RSPO3: variants seen among roughly 807,000 people sequenced by gnomAD.
RSPO3 encodes the protein R-spondin-3.
In RSPO3, 17 loss-of-function variants were observed where a neutral mutation model predicts 36.5. That is an observed-to-expected ratio of 0.47 (90% CI 0.32 to 0.70). RSPO3 has a LOEUF of 0.70. Among genes scored for constraint, RSPO3 ranks in the 30% least tolerant of loss-of-function variants. The pLI, the probability that RSPO3 is intolerant of heterozygous loss-of-function variation, is 0.04. For missense variants in RSPO3, 294 were observed against 322.5 expected (o/e 0.91, Z 0.68); for synonymous variants, 108 against 107.0 (o/e 1.01, Z -0.06).
rs140423963 is a variant in RSPO3, at chr6:127,144,640, C to CTTTTTTTTTTTTTTT, written c.98-4006_98-4005insTTTTTTTTTTTTTTT. On this transcript the variant is annotated intron_variant, in intron 1 of 4. Transcript: ENST00000356698. Reference sequence around the variant, plus strand: ...TTCTGTAATTTTTCAGTAGCTTCCCCTTGTTTTTTTTTTTTTCAGACAGAG... The same window carrying CTTTTTTTTTTTTTTT: ...TTCTGTAATTTTTCAGTAGCTTCCCCTTTTTTTTTTTTTTTTTGTTTTTTTTTTTTTCAGACAGAG... Among the ~76,000 whole-genome samples the CTTTTTTTTTTTTTTT allele has an allele frequency of 5.3e-3, 324 of 61,036 alleles. 6 individuals carry two copies. The highest frequency in any genetic ancestry group is 9.1e-3 in the East Asian group (19 of 2,078). 40.0% of individuals were successfully genotyped at this position (61,036 alleles called of 152,430 possible).
rs1775536194 is a variant in RSPO3, at chr6:127,197,406, C to T, written c.*1399C>T. 4 of 1,549,932 alleles carry T rather than the reference C, an allele frequency of 2.6e-6. No homozygotes were observed. The stretch of plus-strand genomic sequence containing the variant: ...TTTAGTCTTTTCTTCTCCATATTTT[C>T]TATCTGTGGATCTCTTTAGGGGATT... On this transcript the variant is annotated 3_prime_UTR_variant, in exon 5 of 5. Coordinates refer to ENST00000356698, the MANE Select transcript of RSPO3 (RefSeq NM_032784.5).
intron 4 of RSPO3, among the ~76,000 whole-genome samples, chr6:127,175,900 A>C (rs151073112): frequency 6.6e-6 from 1 of 151,916 alleles, no homozygotes; most frequent in East Asian, 1.9e-4. Context: ...GGGTATTGTT[A>C]GCCAAATTCT....
intron 4 of RSPO3, among the ~76,000 whole-genome samples, chr6:127,158,720 A>G (rs1774645166): frequency 6.6e-6 from 1 of 152,156 alleles, no homozygotes; most frequent in South Asian, 2.1e-4. Flanking sequence ...GGTTAGAATA[A>G]GTTAACCCAA....
intron 1 of RSPO3, among the ~76,000 whole-genome samples, chr6:127,122,147 T>C (rs559051662): frequency 9.2e-5 from 14 of 152,352 alleles, no homozygotes; most frequent in African/African-American, 3.4e-4. Context: ...CCTGTTTCCC[T>C]AAAACAACTG....
At chr6:127,140,144 T>C (rs1028529595) in intron 1 of RSPO3, among the ~76,000 whole-genome samples, 5 of 152,196 alleles carry the variant, frequency 3.3e-5, no homozygotes, top group African/African-American at 1.2e-4. Context: ...AAAAGAAATA[T>C]TAAATTAGAA....
intron 4 of RSPO3, among the ~76,000 whole-genome samples, chr6:127,183,477 G>A (rs976644416): frequency 2.0e-5 from 3 of 151,904 alleles, no homozygotes; most frequent in African/African-American, 7.3e-5. Context: ...TGGGACACTG[G>A]GTAATCACAG....
Position 127,197,645 on chromosome 6 carries a change from C to A in RSPO3, c.*1638C>A. 1 of 1,298,360 alleles carries A rather than the reference C, an allele frequency of 7.7e-7. No homozygotes were observed. The highest frequency in any genetic ancestry group is 1.0e-6 in the Non-Finnish European group (1 of 967,414). The allele number at this position is 1,298,360 out of a possible 1,614,324, so 80.4% of individuals were successfully genotyped here. A position where few individuals can be genotyped will look rare whatever the true frequency, so the allele number is the denominator to read the frequency against. On this transcript the variant is annotated 3_prime_UTR_variant, in exon 5 of 5. Coordinates refer to ENST00000356698, the MANE Select transcript of RSPO3 (RefSeq NM_032784.5). Reference sequence around the variant, plus strand: ...GAAGAATTTGCAATGACTCTGGCTTCTGGCTGCTTATCTCTGGACACCCGT... The same window carrying A: ...GAAGAATTTGCAATGACTCTGGCTTATGGCTGCTTATCTCTGGACACCCGT...
chr6:127,123,421 C>A (rs1271240832), intron 1 of RSPO3, among the ~76,000 whole-genome samples: 1 of 152,068 alleles, frequency 6.6e-6, no homozygotes, highest in Non-Finnish European at 1.5e-5. Flanking sequence ...AAAGTGTATT[C>A]TTTGATACGT....
intron 4 of RSPO3, among the ~76,000 whole-genome samples, chr6:127,177,856 G>A (rs990745769): frequency 1.5e-4 from 23 of 151,508 alleles, no homozygotes; most frequent in African/African-American, 5.6e-4. Flanking sequence ...GAGCCAAATA[G>A]TGGTCTTAAA....
chr6:127,182,422 A>G (rs529981660), intron 4 of RSPO3, among the ~76,000 whole-genome samples: 4 of 151,712 alleles, frequency 2.6e-5, no homozygotes, highest in Non-Finnish European at 5.9e-5. Context: ...ACTTTTTTCT[A>G]TCTATTTCAT....
At chr6:127,124,356 T>A (rs1388937697) in intron 1 of RSPO3, among the ~76,000 whole-genome samples, 1 of 152,088 alleles carries the variant, frequency 6.6e-6, no homozygotes, top group South Asian at 2.1e-4. Context: ...GAGTGGATAT[T>A]GTGTTTCATG....
At chr6:127,153,529 G>A (rs931321907) in intron 3 of RSPO3, among the ~76,000 whole-genome samples, 47 of 152,016 alleles carry the variant, frequency 3.1e-4, no homozygotes, top group African/African-American at 9.9e-4. Flanking sequence ...AACTATCTAA[G>A]GTTGTCCGTA....
intron 4 of RSPO3, among the ~76,000 whole-genome samples, chr6:127,174,973 T>G (rs1444415432): frequency 6.6e-6 from 1 of 151,728 alleles, no homozygotes; most frequent in Non-Finnish European, 1.5e-5. Flanking sequence ...GAGGAACTCT[T>G]AGACTTCTTT....
intron 4 of RSPO3, among the ~76,000 whole-genome samples, chr6:127,191,948 T>C (rs759904677): frequency 2.6e-5 from 4 of 152,218 alleles, no homozygotes; most frequent in East Asian, 1.9e-4. Context: ...ACCAAGGAAG[T>C]TGACTTTCAA....
chr6:127,143,611 T>C (rs1774323043), intron 1 of RSPO3, among the ~76,000 whole-genome samples: 1 of 152,234 alleles, frequency 6.6e-6, no homozygotes, highest in African/African-American at 2.4e-5. Flanking sequence ...AAACCTGTCT[T>C]ATTAGTCTAA....
Position 127,185,092 on chromosome 6 carries a change from T to C in RSPO3, c.635-10731T>C, listed in dbSNP as rs139506180. 3.3e-5 allele frequency among the ~76,000 whole-genome samples: 5 copies of C among 152,134 alleles called. No homozygotes were observed. In the East Asian group the frequency reaches 9.7e-4, roughly 29 times the overall value. On this transcript the variant is annotated intron_variant, in intron 4 of 4. Coordinates refer to ENST00000356698, the MANE Select transcript of RSPO3 (RefSeq NM_032784.5). ...TGCTAAATTACAGGGTGGATATTTC[T>C]AGATTAGTTAACACTTAACCTCCAA...
At chr6:127,129,067 G>T (rs1349844839) in intron 1 of RSPO3, among the ~76,000 whole-genome samples, 2 of 151,978 alleles carry the variant, frequency 1.3e-5, no homozygotes, top group Non-Finnish European at 2.9e-5. Flanking sequence ...AAACTTAATG[G>T]TTAGGAAATA....
intron 1 of RSPO3, among the ~76,000 whole-genome samples, chr6:127,124,078 G>A (rs1015901721): frequency 1.3e-5 from 2 of 151,870 alleles, no homozygotes; most frequent in Non-Finnish European, 2.9e-5. Context: ...TGCAATGTTG[G>A]CAGAGTACTA....
chr6:127,184,927 A>G (rs928061364), intron 4 of RSPO3, among the ~76,000 whole-genome samples: 1 of 151,966 alleles, frequency 6.6e-6, no homozygotes, highest in East Asian at 1.9e-4. Context: ...ATACATTTAT[A>G]TATAAAAAAT....
Sources: gnomAD v4.1 joint callset for allele counts (sites outside exome capture counted in the v4.1 genomes callset) on GRCh38, gnomAD v4.1.1 for gene constraint, MANE v1.5 for transcripts, NCBI Gene and HGNC (gene_info 2026-07-23, HGNC 2026-07-21) for gene names.